ARHGAP17: variants seen among roughly 807,000 people sequenced by gnomAD.
ARHGAP17 encodes rho GTPase-activating protein 17.
In ARHGAP17, 57 loss-of-function variants were observed where a neutral mutation model predicts 99.5. The observed-to-expected ratio is 0.57, with a 90% CI of 0.46 to 0.71. The LOEUF is 0.71. Among genes scored for constraint, ARHGAP17 ranks in the 30% least tolerant of loss-of-function variants. ARHGAP17 has a pLI of 0.00. For missense variants in ARHGAP17, 1,000 were observed against 1,122.4 expected (o/e 0.89, Z 1.56); for synonymous variants, 417 against 429.6 (o/e 0.97, Z 0.36).
chr16:24,974,624 T>A (rs915733113), intron 3 of ARHGAP17, among the ~76,000 whole-genome samples: 2 of 152,034 alleles, frequency 1.3e-5, no homozygotes, highest in Non-Finnish European at 2.9e-5. Context: ...TAGGGTTGAT[T>A]TGTGTTTCAG....
chr16:24,932,401 C>T lies in ARHGAP17; in HGVS notation c.1895-997G>A, dbSNP rs189211484. Among the ~76,000 whole-genome samples, 12 of 152,272 alleles carry T rather than the reference C, an allele frequency of 7.9e-5. No individual in the cohort carries two copies. In the East Asian group the frequency reaches 2.1e-3, roughly 27 times the overall value. ...CTGTTAACAGAGGCCACCCCAATGA[C>T]ACGGAAGTGCTGCCCTCAGCCCACT... On this transcript the variant is annotated intron_variant, in intron 18 of 19. Coordinates refer to ENST00000289968, the MANE Select transcript of ARHGAP17 (RefSeq NM_001006634.3).
chr16:24,964,291 T>C lies in ARHGAP17; in HGVS notation c.479A>G (p.Lys160Arg). 1 of 1,613,650 alleles carries C rather than the reference T, an allele frequency of 6.2e-7. No homozygotes were observed. The highest frequency in any genetic ancestry group is 1.1e-5 in the South Asian group (1 of 91,026). The stretch of plus-strand genomic sequence containing the variant: ...CCCCTGAAAGTTGGTTCCTGAGGAT[T>C]TGTGAGCTTGGTTCCACCTGCAAAA... ...SVRARWNQAH[K>R]SSGTNFQGLP... Residue 160 changes from lysine (K) to arginine (R), a missense_variant, in exon 7 of 20, where the codon AAA becomes AGA. Around this residue, in one of 2 missense-constraint regions of ARHGAP17, gnomAD observed 472 missense variants for 611.1 expected, o/e 0.77. Coordinates refer to ENST00000289968, the MANE Select transcript of ARHGAP17 (RefSeq NM_001006634.3).
chr16:25,015,305 G>A lies in ARHGAP17; in HGVS notation c.-44C>T. On this transcript the variant is annotated 5_prime_UTR_variant, in exon 1 of 20. Coordinates refer to ENST00000289968, the MANE Select transcript of ARHGAP17 (RefSeq NM_001006634.3). ...GGCCCGCGGGGCTCGGGCCGGGCAG[G>A]GCGGGGGACAGCCTGGCAGCTACTA... 7.7e-7 allele frequency: 1 copy of A among 1,292,650 alleles called. No individual in the cohort carries two copies. The highest frequency in any genetic ancestry group is 9.8e-7 in the Non-Finnish European group (1 of 1,015,354). The allele number at this position is 1,292,650 out of a possible 1,614,324, so 80.1% of individuals were successfully genotyped here. A position where few individuals can be genotyped will look rare whatever the true frequency, so the allele number is the denominator to read the frequency against.
intron 1 of ARHGAP17, 108 bp downstream of exon 1, chr16:25,015,101 G>T: frequency 2.8e-6 from 3 of 1,082,014 alleles, no homozygotes; most frequent in East Asian, 4.2e-5. Flanking sequence ...GGCAGGGGCT[G>T]CGGCCCAGCT....
At chr16:24,949,158 C>T (rs1250022037) in intron 13 of ARHGAP17, 2 of 365,654 alleles carry the variant, frequency 5.5e-6, no homozygotes, top group Non-Finnish European at 9.8e-6. Context: ...TTGCTAATAG[C>T]TGTAGTGGGA....
At chr16:25,002,347 G>A (rs1453303144) in intron 1 of ARHGAP17, among the ~76,000 whole-genome samples, 2 of 151,894 alleles carry the variant, frequency 1.3e-5, no homozygotes, top group Non-Finnish European at 2.9e-5. Context: ...CCCAGTCACC[G>A]CCCAAGGCTG....
Position 24,947,575 on chromosome 16 carries a change from G to T in ARHGAP17, c.1148C>A (p.Ala383Glu), listed in dbSNP as rs752287348. Residue 383 changes from alanine (A) to glutamate (E), a missense_variant, in exon 14 of 20, where the codon GCA (alanine) becomes GAA (glutamate). Coordinates refer to ENST00000289968, the MANE Select transcript of ARHGAP17 (RefSeq NM_001006634.3). ...VNFRYLIKFL[A>E]KLAQTSDVNK... ...CACATCGCTGGTCTGAGCAAGCTTT[G>T]CAAGGAACTTGATCAAATATCTAGG... is the stretch of plus-strand genomic sequence containing the variant. 1.2e-6 allele frequency: 2 copies of T among 1,612,096 alleles called. No individual in the cohort carries two copies. Among genetic ancestry groups the T allele is most frequent in the Non-Finnish European group, 1.7e-6 (2 of 1,179,934 alleles).
At chr16:24,949,149 T>G (rs986467509) in intron 13 of ARHGAP17, 3 of 334,184 alleles carry the variant, frequency 9.0e-6, no homozygotes, top group African/African-American at 6.4e-5. Context: ...AGAAATTTAT[T>G]GCTAATAGCT....
In ARHGAP17 at chr16:24,970,589, T is replaced by G. The variant is rs150621577; in HGVS notation, c.199-9A>C. 51 of 1,610,318 alleles carry G rather than the reference T, an allele frequency of 3.2e-5. No homozygotes were observed. The African/African-American group carries it at 5.7e-4, about 18-fold the overall frequency. ...GTCAGAGGCAGTTTTTTCTGGAAGA[T>G]AGAAGACAGTGTGTGTTTTTCTCAT... is the stretch of plus-strand genomic sequence containing the variant. On this transcript the variant is annotated splice_polypyrimidine_tract_variant and intron_variant, in intron 3 of 19. Coordinates refer to ENST00000289968, the MANE Select transcript of ARHGAP17 (RefSeq NM_001006634.3).
chr16:24,928,933 A>G (rs1010820199), intron 19 of ARHGAP17, among the ~76,000 whole-genome samples: 16 of 152,204 alleles, frequency 1.1e-4, no homozygotes, highest in African/African-American at 3.6e-4. Context: ...GGTCTTGAGA[A>G]TTTAAAATAT....
chr16:24,999,938 T>C (rs1198999967), intron 1 of ARHGAP17, among the ~76,000 whole-genome samples: 1 of 152,208 alleles, frequency 6.6e-6, no homozygotes, highest in Admixed American at 6.5e-5. Flanking sequence ...ATGTCCTCAC[T>C]GTCTCATGAC....
chr16:24,968,681 G>A lies in ARHGAP17; in HGVS notation c.364C>T (p.Pro122Ser). 1 of 1,614,140 alleles carries A rather than the reference G, an allele frequency of 6.2e-7. No homozygotes were observed. The highest frequency in any genetic ancestry group is 8.5e-7 in the Non-Finnish European group (1 of 1,180,032). Residue 122 changes from proline (P) to serine (S), a missense_variant, in exon 5 of 20, where the codon CCT becomes TCT. Pro to Ser is a moderately conservative substitution (Grantham distance 74). Coordinates refer to ENST00000289968, the MANE Select transcript of ARHGAP17 (RefSeq NM_001006634.3). ...CCCACCTCAGCTATGCCGTACAGAG[G>A]GTCCACGATCTCCTTCTCAACAAAG... Reference protein sequence around the residue: ...EVFVEKEIVDPLYGIAEVEIP... With the variant: ...EVFVEKEIVDSLYGIAEVEIP...
intron 9 of ARHGAP17, 132 bp from the exon 10 acceptor site, chr16:24,954,862 T>A: frequency 7.8e-7 from 1 of 1,281,340 alleles, no homozygotes; most frequent in South Asian, 1.5e-5. Flanking sequence ...ATACATCTGT[T>A]CTATTTGCTT....
chr16:24,933,393 G>T (rs374411216), intron 18 of ARHGAP17, among the ~76,000 whole-genome samples: 18 of 151,738 alleles, frequency 1.2e-4, no homozygotes, highest in African/African-American at 4.4e-4. Context: ...AAAGTGGGAG[G>T]ATCACTTGAG....
intron 1 of ARHGAP17, among the ~76,000 whole-genome samples, chr16:24,991,234 T>A (rs9924514): frequency 0.032 from 4,917 of 152,208 alleles, 281 homozygotes; most frequent in African/African-American, 0.11. Flanking sequence ...ATTATAACCA[T>A]AAAATTATAA....
Position 24,920,040 on chromosome 16 carries a change from T to G in ARHGAP17, c.*90A>C, listed in dbSNP as rs1202303972. 1.3e-6 allele frequency: 2 copies of G among 1,540,656 alleles called. No individual in the cohort carries two copies. Among genetic ancestry groups the G allele is most frequent in the Non-Finnish European group, 1.8e-6 (2 of 1,134,430 alleles). ...CTCCTTTGTCCTCCACTGAAAGCTT[T>G]TCACTGTTCGGTCTGCAAAGAAAGA... On this transcript the variant is annotated 3_prime_UTR_variant, in exon 20 of 20. Transcript: ENST00000289968.
rs1421610848 is a variant in ARHGAP17, at chr16:24,943,812, A to G, written c.1292T>C (p.Ile431Thr). Residue 431 changes from isoleucine to threonine, a missense_variant, in exon 15 of 20, where the codon ATT becomes ACT. Ile to Thr is a moderately conservative substitution (Grantham distance 89, BLOSUM62 -1). Coordinates refer to ENST00000289968, the MANE Select transcript of ARHGAP17 (RefSeq NM_001006634.3). Reference sequence around the variant, plus strand: ...GTCGGCATGCTGAATGATGGGTTCAATCACTGCAACCACATGGACGGATGT... The same window carrying G: ...GTCGGCATGCTGAATGATGGGTTCAGTCACTGCAACCACATGGACGGATGT... ...AATSVHVVAV[I>T]EPIIQHADWF... is the part of the protein sequence containing the mutation. 6.2e-7 allele frequency: 1 copy of G among 1,614,084 alleles called. No homozygotes were observed. Among genetic ancestry groups the G allele is most frequent in the East Asian group, 2.2e-5 (1 of 44,902 alleles).
At chr16:25,007,372 ATTAC>A (rs1424123992) in intron 1 of ARHGAP17, among the ~76,000 whole-genome samples, 2 of 152,156 alleles carry the variant, frequency 1.3e-5, no homozygotes, top group African/African-American at 4.8e-5. Flanking sequence ...CCACTGACAA[ATTAC>A]TTATTTAGAG....
At chr16:24,963,099 T>C (rs1442479358) in intron 7 of ARHGAP17, among the ~76,000 whole-genome samples, 1 of 152,216 alleles carries the variant, frequency 6.6e-6, no homozygotes, top group African/African-American at 2.4e-5. Flanking sequence ...AAGTAGGCAA[T>C]AGCCAGGATC....
Sources: gnomAD v4.1 joint callset for allele counts (sites outside exome capture counted in the v4.1 genomes callset) on GRCh38, gnomAD v4.1.1 for gene constraint, gnomAD v4.1.1 regional missense constraint, MANE v1.5 for transcripts, NCBI Gene and HGNC (gene_info 2026-07-23, HGNC 2026-07-21) for gene names.